MTG1: variants seen among roughly 807,000 people sequenced by gnomAD.
The protein encoded by MTG1 is mitochondrial ribosome associated GTPase 1.
In MTG1, 30 loss-of-function variants were observed where a neutral mutation model predicts 39.5. The ratio of observed to expected loss-of-function variants is 0.76; its 90% CI spans 0.57 to 1.03. The LOEUF (loss-of-function observed/expected upper bound fraction) is 1.03, where lower values mean the gene tolerates loss of function less well. MTG1 is among the 50% of genes least tolerant of loss of function. MTG1 has a pLI of 0.00. For synonymous variants in MTG1, 217 were observed against 179.0 expected (o/e 1.21, Z -1.69); for missense variants, 513 against 447.4 (o/e 1.15, Z -1.32).
In MTG1 at chr10:133,402,172, C is replaced by T; in HGVS notation, c.597C>T (p.Phe199=). Residue 199 remains phenylalanine, a synonymous_variant, in exon 8 of 11, where the codon TTC becomes TTT. Transcript: ENST00000317502. This position sits in a 1 kb window ranked among gnomAD's most constrained non-coding sequence, Gnocchi z 4.7. ...KIQVSERPLM[F]LLDTPGVLAP... ...AGGTCTCTGAGCGGCCCCTGATGTT[C>T]CTGTTGGACACTCCTGGCGTGCTGG... is the stretch of plus-strand genomic sequence containing the variant. 6.2e-7 allele frequency: 1 copy of T among 1,614,046 alleles called. No homozygotes were observed. Among genetic ancestry groups the T allele is most frequent in the Non-Finnish European group, 8.5e-7 (1 of 1,179,982 alleles).
At chr10:133,395,632 T>C in intron 1 of MTG1, 81 bp from the exon 2 acceptor site, 1 of 1,320,922 alleles carries the variant, frequency 7.6e-7, no homozygotes, top group Non-Finnish European at 1.1e-6. Flanking sequence ...TGGTGGCGTG[T>C]CATTCTGGAC....
chr10:133,419,790 G>C (rs531582812), intron 10 of MTG1, among the ~76,000 whole-genome samples, 198 bp downstream of exon 10: 1 of 152,334 alleles, frequency 6.6e-6, no homozygotes, highest in African/African-American at 2.4e-5. Context: ...CCGAGGGTGA[G>C]ACCAGCCCTG....
chr10:133,404,470 G>C (rs1849940239), intron 9 of MTG1, among the ~76,000 whole-genome samples: 1 of 87,110 alleles, frequency 1.1e-5, no homozygotes, highest in Admixed American at 1.5e-4. Flanking sequence ...TCCTTAATCA[G>C]AGATACGGTT....
intron 9 of MTG1, among the ~76,000 whole-genome samples, chr10:133,405,318 A>T (rs1024393881): frequency 5.3e-5 from 8 of 152,234 alleles, no homozygotes; most frequent in African/African-American, 1.9e-4. Flanking sequence ...TGATATTTTG[A>T]TGCATTCATA....
intron 9 of MTG1, among the ~76,000 whole-genome samples, chr10:133,416,939 A>G (rs987305997): frequency 2.6e-5 from 4 of 152,010 alleles, no homozygotes; most frequent in African/African-American, 9.7e-5. Flanking sequence ...TAGCTGGGTC[A>G]AATGGTATTT....
At position 133,420,375 on chromosome 10, in the gene MTG1, C is replaced by T. The variant is rs547370069; in HGVS notation, c.*210C>T. On this transcript the variant is annotated 3_prime_UTR_variant, in exon 11 of 11. Transcript: ENST00000317502. Reference sequence around the variant, plus strand: ...AGTGGACACCAGGCTTCCCAGTGGACGTCCCTGAGCAGCTCCGCATGCTTG... The same window carrying T: ...AGTGGACACCAGGCTTCCCAGTGGATGTCCCTGAGCAGCTCCGCATGCTTG... 15 of 506,160 alleles carry T rather than the reference C, an allele frequency of 3.0e-5. No homozygotes were observed. The highest frequency in any genetic ancestry group is 4.1e-5 in the Non-Finnish European group (12 of 295,864). 31.4% of individuals were successfully genotyped at this position (506,160 alleles called of 1,614,324 possible). A position where few individuals can be genotyped will look rare whatever the true frequency, so the allele number is the denominator to read the frequency against.
At chr10:133,413,141 C>CA (rs760443775) in intron 9 of MTG1, among the ~76,000 whole-genome samples, 1 of 152,118 alleles carries the variant, frequency 6.6e-6, no homozygotes, top group Non-Finnish European at 1.5e-5. Flanking sequence ...GACAGAGTCT[C>CA]ACTCTGTTTC....
chr10:133,399,865 A>G (rs148240114), intron 6 of MTG1: 3 of 463,468 alleles, frequency 6.5e-6, no homozygotes, highest in Non-Finnish European at 7.6e-6. Flanking sequence ...TAACATGAAG[A>G]TGGCTTTTCT....
intron 6 of MTG1, 118 bp downstream of exon 6, chr10:133,399,737 G>A (rs1175586614): frequency 5.9e-6 from 6 of 1,012,662 alleles, no homozygotes; most frequent in South Asian, 5.9e-5. Flanking sequence ...GTCTTCTGCT[G>A]ACCCCGCAGC....
Position 133,394,254 on chromosome 10 carries a change from G to A in MTG1, c.34G>A (p.Ala12Thr). The part of the protein sequence containing the change: ...RLTPRALCSA[A>T]QAAWRENFPL... ...GACCCCGCGCGCGCTGTGCAGCGCC[G>A]CCCAGGCCGCCTGGCGGGAGAACTT... is the stretch of plus-strand genomic sequence containing the variant. Residue 12 changes from alanine to threonine, a missense_variant, in exon 1 of 11, where the codon GCC (alanine) becomes ACC (threonine). Ala to Thr is a moderately conservative substitution (Grantham distance 58). Coordinates refer to ENST00000317502, the MANE Select transcript of MTG1 (RefSeq NM_138384.4). 2 of 1,516,954 alleles carry A rather than the reference G, an allele frequency of 1.3e-6. No homozygotes were observed. The highest frequency in any genetic ancestry group is 2.7e-5 in the East Asian group (1 of 37,268). The allele number at this position is 1,516,954 out of a possible 1,614,324, so 94.0% of individuals were successfully genotyped here.
intron 9 of MTG1, among the ~76,000 whole-genome samples, chr10:133,412,186 G>A (rs1357132821): frequency 2.0e-5 from 3 of 151,980 alleles, no homozygotes; most frequent in Non-Finnish European, 4.4e-5. Context: ...TGATATTCTT[G>A]GCACTGGATG....
chr10:133,402,639 A>G lies in MTG1; in HGVS notation c.671-53A>G. On this transcript the variant is annotated intron_variant, in intron 8 of 10. Coordinates refer to ENST00000317502, the MANE Select transcript of MTG1 (RefSeq NM_138384.4). This position sits in a 1 kb window ranked among gnomAD's most constrained non-coding sequence, Gnocchi z 4.7. ...TGGAAGGGATGTGTTTGAACTTGGC[A>G]GGAACATAGATGTGGCTGTTTCCAG... 6.7e-7 allele frequency: 1 copy of G among 1,497,238 alleles called. No individual in the cohort carries two copies. 92.7% of individuals were successfully genotyped at this position (1,497,238 alleles called of 1,614,324 possible).
At chr10:133,398,340 C>T in intron 3 of MTG1, 95 bp from the exon 4 acceptor site, 9 of 1,230,606 alleles carry the variant, frequency 7.3e-6, no homozygotes, top group Non-Finnish European at 1.0e-5. Context: ...GCGGAGGTTG[C>T]AGGGAGCCGA....
chr10:133,396,993 G>GTTTAGAGAAGACTCTACTCC (rs1849792884), intron 3 of MTG1, among the ~76,000 whole-genome samples: 1 of 152,160 alleles, frequency 6.6e-6, no homozygotes, highest in African/African-American at 2.4e-5. Flanking sequence ...CCCCAGGGGA[G>GTTTAGAGAAGACTCTACTCC]TTTAGAGAAG....
At chr10:133,397,779 G>GTTTTTTTTTTTTTTTTTTTTTT (rs35859911) in intron 3 of MTG1, among the ~76,000 whole-genome samples, 4 of 139,480 alleles carry the variant, frequency 2.9e-5, no homozygotes, top group South Asian at 2.4e-4. Flanking sequence ...CGTCCAGCCT[G>GTTTTTTTTTTTTTTTTTTTTTT]TTTTTTTTTT....
At chr10:133,410,675 G>A (rs1158937988) in intron 9 of MTG1, among the ~76,000 whole-genome samples, 1 of 152,346 alleles carries the variant, frequency 6.6e-6, no homozygotes, top group Non-Finnish European at 1.5e-5. Context: ...AGGAGGCTGA[G>A]ATAGGAGGAT....
At position 133,395,770 on chromosome 10, in the gene MTG1, A is replaced by G; in HGVS notation, c.170A>G (p.Asp57Gly). Residue 57 changes from aspartate (D) to glycine (G), a missense_variant, in exon 2 of 11, where the codon GAT (aspartate) becomes GGT (glycine). Asp to Gly is a moderately conservative substitution (Grantham distance 94). Transcript: ENST00000317502. The stretch of plus-strand genomic sequence containing the variant: ...GTGGACTGTATCATCGAGGTCCACG[A>G]TGCCCGGATATCCTTTCACAGAGCA... ...KLVDCIIEVHDARIPLSGRNP... is the reference protein window; with the variant it reads ...KLVDCIIEVHGARIPLSGRNP... 1.2e-6 allele frequency: 2 copies of G among 1,614,068 alleles called. No individual in the cohort carries two copies. The highest frequency in any genetic ancestry group is 1.7e-6 in the Non-Finnish European group (2 of 1,179,982).
In MTG1 at chr10:133,421,124, CCAGGGCCCTGGTGCT is replaced by C. The variant is rs1293612468; in HGVS notation, c.*963_*977del. On this transcript the variant is annotated 3_prime_UTR_variant, in exon 11 of 11. Coordinates refer to ENST00000317502, the MANE Select transcript of MTG1 (RefSeq NM_138384.4). ...CCTGACCGTCCCACAGCAGCCTCCACCAGGGCCCTGGTGCTCAGTGGCCCCTCTTTGCTGGCTGGC... is the reference window on the plus strand; with the variant it reads ...CCTGACCGTCCCACAGCAGCCTCCACCAGTGGCCCCTCTTTGCTGGCTGGC... 6.6e-6 allele frequency: 1 copy of C among 152,442 alleles called. No individual in the cohort carries two copies. The highest frequency in any genetic ancestry group is 2.4e-5 in the African/African-American group (1 of 41,444). 9.4% of individuals were successfully genotyped at this position (152,442 alleles called of 1,614,324 possible). A position where few individuals can be genotyped will look rare whatever the true frequency, so the allele number is the denominator to read the frequency against.
intron 6 of MTG1, 174 bp from the exon 7 acceptor site, chr10:133,401,355 A>C (rs1192603495): frequency 1.9e-5 from 10 of 527,718 alleles, no homozygotes; most frequent in African/African-American, 1.2e-4. Flanking sequence ...TTTAGTTTCC[A>C]TTTTGGCCAG....
Sources: gnomAD v4.1 joint callset for allele counts (sites outside exome capture counted in the v4.1 genomes callset) on GRCh38, gnomAD v4.1.1 for gene constraint, Gnocchi (gnomAD v3.1) non-coding constraint, MANE v1.5 for transcripts, NCBI Gene and HGNC (gene_info 2026-07-23, HGNC 2026-07-21) for gene names.